Variants in INPP4B observed in about 807,000 individuals in gnomAD.
INPP4B encodes inositol polyphosphate-4-phosphatase type II B.
Under a neutral mutation model 122.5 loss-of-function variants are expected in INPP4B, and 55 were observed. The observed-to-expected ratio is 0.45, with a 90% CI of 0.36 to 0.56. The LOEUF is 0.56. Ranked by LOEUF, INPP4B falls within the 20% of genes least tolerant of loss-of-function variation. The pLI is 0.00. For synonymous variants in INPP4B, 403 were observed against 388.7 expected (o/e 1.04, Z -0.43); for missense variants, 1,000 against 1,097.7 (o/e 0.91, Z 1.26).
At chr4:142,491,453 A>T (rs1407516182) in intron 2 of INPP4B, among the ~76,000 whole-genome samples, 1 of 152,166 alleles carries the variant, frequency 6.6e-6, no homozygotes, top group East Asian at 1.9e-4. Flanking sequence ...CAGGAGTTCA[A>T]GACCAGCCTG....
chr4:142,286,133 G>C (rs745771486), intron 9 of INPP4B, among the ~76,000 whole-genome samples: 6 of 152,182 alleles, frequency 3.9e-5, no homozygotes, highest in Non-Finnish European at 8.8e-5. Flanking sequence ...CGTGGAAACA[G>C]TATTCCGCTT....
chr4:142,784,725 T>TG (rs1775476473), intron 1 of INPP4B, among the ~76,000 whole-genome samples: 1 of 151,586 alleles, frequency 6.6e-6, no homozygotes, highest in African/African-American at 2.4e-5. Context: ...CTGAGAAAAA[T>TG]GTTTTTTTTT....
chr4:142,212,435 A>C (rs560555770), intron 12 of INPP4B, among the ~76,000 whole-genome samples: 1 of 152,324 alleles, frequency 6.6e-6, no homozygotes, highest in African/African-American at 2.4e-5. Context: ...TGATGAATTA[A>C]GCCCTTAGTT....
intron 1 of INPP4B, among the ~76,000 whole-genome samples, chr4:142,836,274 C>G (rs562894467): frequency 6.6e-6 from 1 of 152,078 alleles, no homozygotes; most frequent in Non-Finnish European, 1.5e-5. Flanking sequence ...AAGGGGCACA[C>G]AAACACACAC....
intron 3 of INPP4B, among the ~76,000 whole-genome samples, chr4:142,439,853 A>G (rs1468856517): frequency 2.6e-5 from 4 of 152,162 alleles, no homozygotes. Flanking sequence ...CCTAATTGAC[A>G]TACCTTCAAA....
At chr4:142,452,459 T>C (rs1045687537) in intron 3 of INPP4B, among the ~76,000 whole-genome samples, 22 of 152,318 alleles carry the variant, frequency 1.4e-4, no homozygotes, top group Middle Eastern at 3.4e-3. Context: ...ACATGCTTGA[T>C]GGAATCTCCA....
Position 142,235,379 on chromosome 4 carries a change from A to C in INPP4B, c.836+2485T>G, listed in dbSNP as rs536975555. On this transcript the variant is annotated intron_variant, in intron 12 of 25. Coordinates refer to ENST00000262992, the MANE Select transcript of INPP4B (RefSeq NM_001101669.3). The stretch of plus-strand genomic sequence containing the variant: ...ATATAGTATAATAATATATTATGTT[A>C]ATGAATATATGTTAATGAATTTCAG... 3.3e-5 allele frequency among the ~76,000 whole-genome samples: 5 copies of C among 150,994 alleles called. No individual in the cohort carries two copies. The South Asian group carries it at 1.0e-3, about 31-fold the overall frequency.
At chr4:142,440,204 C>G (rs558482220) in intron 3 of INPP4B, among the ~76,000 whole-genome samples, 1 of 152,268 alleles carries the variant, frequency 6.6e-6, no homozygotes, top group East Asian at 1.9e-4. Flanking sequence ...TAGGATTGGC[C>G]TTTAAAAGAA....
intron 18 of INPP4B, among the ~76,000 whole-genome samples, chr4:142,137,290 T>A (rs1248916451): frequency 1.4e-5 from 2 of 147,228 alleles, no homozygotes; most frequent in African/African-American, 2.5e-5. Context: ...GGGGAAAGGA[T>A]TCCCTATTTA....
Position 142,298,683 on chromosome 4 carries a change from C to CAAAAA in INPP4B, c.503+6770_503+6774dup, listed in dbSNP as rs386401712. Among the ~76,000 whole-genome samples, 91 of 66,404 alleles carry CAAAAA rather than the reference C, an allele frequency of 1.4e-3. 3 individuals are homozygous for CAAAAA. The highest frequency in any genetic ancestry group is 5.2e-3 in the African/African-American group (83 of 16,078). 43.6% of individuals were successfully genotyped at this position (66,404 alleles called of 152,430 possible). ...TTGGTGACAGAGCAAGACTCTGTCT[C>CAAAAA]AAAAAAAAAAAAAAAAAAAAAAAGA... On this transcript the variant is annotated intron_variant, in intron 9 of 25. Coordinates refer to ENST00000262992, the MANE Select transcript of INPP4B (RefSeq NM_001101669.3).
chr4:142,777,570 C>T (rs1774122922), intron 1 of INPP4B, among the ~76,000 whole-genome samples: 1 of 152,188 alleles, frequency 6.6e-6, no homozygotes, highest in African/African-American at 2.4e-5. Context: ...AGGCCACGCC[C>T]AACCTCCTGA....
chr4:142,303,904 C>T (rs1337766623), intron 9 of INPP4B, among the ~76,000 whole-genome samples: 1 of 152,078 alleles, frequency 6.6e-6, no homozygotes, highest in Non-Finnish European at 1.5e-5. Flanking sequence ...TGTCCTCTCT[C>T]TAAGGTACTG....
chr4:142,197,068 G>A (rs1198871304), intron 14 of INPP4B, among the ~76,000 whole-genome samples: 1 of 130,998 alleles, frequency 7.6e-6, no homozygotes, highest in Non-Finnish European at 1.6e-5. Flanking sequence ...AGAGGTTGCA[G>A]TGAGCCGAGA....
chr4:142,035,035 G>T (rs1013076876), intron 25 of INPP4B, among the ~76,000 whole-genome samples: 2 of 152,098 alleles, frequency 1.3e-5, no homozygotes, highest in African/African-American at 4.8e-5. Context: ...AAGCCCTCCA[G>T]GTCTGTGTCT....
In INPP4B at chr4:142,028,830, G is replaced by A; in HGVS notation, c.2727C>T (p.Pro909=). ...AFNMLQLMAF[P]KYYRPPEGTY... is the part of the protein sequence containing the mutation. ...TCCCCTCTGGAGGTCTGTAGTACTT[G>A]GGGAAAGCCATCAGCTGTAGCATGT... The change falls in exon 26 of 26, where the codon CCC becomes CCT. Residue 909 remains proline (P), a synonymous_variant. Transcript: ENST00000262992. The A allele has an allele frequency of 6.2e-7, 1 of 1,613,500 alleles. No homozygotes were observed. Among genetic ancestry groups the A allele is most frequent in the Admixed American group, 1.7e-5 (1 of 59,962 alleles).
intron 7 of INPP4B, among the ~76,000 whole-genome samples, chr4:142,361,375 A>G (rs1268528233): frequency 6.6e-6 from 1 of 151,966 alleles, no homozygotes; most frequent in Non-Finnish European, 1.5e-5. Context: ...CTGGAATAGT[A>G]CTGGTAGGTG....
chr4:142,628,423 A>C (rs1176816388), intron 2 of INPP4B, among the ~76,000 whole-genome samples: 1 of 44,012 alleles, frequency 2.3e-5, no homozygotes. Flanking sequence ...GGGTGGGGGG[A>C]GGGGGGAGGG....
chr4:142,481,133 CAAAAAAAAA>C (rs551228788), intron 2 of INPP4B, among the ~76,000 whole-genome samples: 20 of 57,894 alleles, frequency 3.5e-4, no homozygotes, highest in African/African-American at 1.1e-3. Context: ...GACTCTGTCT[CAAAAAAAAA>C]AAAAAAAAAA....
At chr4:142,286,495 G>C (rs1753765777) in intron 9 of INPP4B, among the ~76,000 whole-genome samples, 1 of 152,176 alleles carries the variant, frequency 6.6e-6, no homozygotes, top group South Asian at 2.1e-4. Context: ...TTTGAGAATT[G>C]ATACGAAATT....
Sources: allele counts gnomAD v4.1 joint callset (sites outside exome capture counted in the v4.1 genomes callset), GRCh38; gene constraint gnomAD v4.1.1; transcripts MANE v1.5; gene names NCBI Gene and HGNC (gene_info 2026-07-23, HGNC 2026-07-21).